The following MSR1 variants were observed in gnomAD, a reference collection of about 807,000 sequenced individuals.
MSR1 encodes the protein macrophage scavenger receptor types I and II.
A neutral mutation model predicts 47.2 loss-of-function variants in MSR1; 53 were observed. That is an observed-to-expected ratio of 1.12 (90% CI 0.90 to 1.41). The LOEUF (loss-of-function observed/expected upper bound fraction) is 1.41. Ranked by LOEUF, MSR1 falls within the 40% of genes most tolerant of loss-of-function variation. The probability of loss-of-function intolerance (pLI) is 0.00; values close to 1 mark genes in which losing one functional copy is unlikely to be tolerated. For missense variants in MSR1, 786 were observed against 546.9 expected (o/e 1.44, Z -4.36); for synonymous variants, 239 against 185.6 (o/e 1.29, Z -2.34).
chr8:16,125,315 C>T (rs1334397220), intron 8 of MSR1, among the ~76,000 whole-genome samples: 1 of 152,148 alleles, frequency 6.6e-6, no homozygotes, highest in African/African-American at 2.4e-5. Flanking sequence ...GAAGGCAAAT[C>T]ACAGTGAGTG....
intron 9 of MSR1, among the ~76,000 whole-genome samples, chr8:16,117,897 T>C (rs1799912443): frequency 6.6e-6 from 1 of 152,110 alleles, no homozygotes; most frequent in Middle Eastern, 3.2e-3. Flanking sequence ...ATAATAATAA[T>C]AGAAATAATG....
intron 3 of MSR1, among the ~76,000 whole-genome samples, chr8:16,171,147 C>T (rs759854930): frequency 6.6e-6 from 1 of 150,456 alleles, no homozygotes; most frequent in East Asian, 2.0e-4. Context: ...TTGCTTGAGC[C>T]CGGGAGGCGG....
intron 8 of MSR1, among the ~76,000 whole-genome samples, chr8:16,126,707 A>T (rs1247889840): frequency 1.3e-5 from 2 of 152,154 alleles, no homozygotes; most frequent in Admixed American, 1.3e-4. Context: ...TATTTGGGAC[A>T]GAGTCAAGAG....
intron 1 of MSR1, among the ~76,000 whole-genome samples, chr8:16,184,998 G>C (rs406652): frequency 0.14 from 20,840 of 152,004 alleles, 1,834 homozygotes; most frequent in African/African-American, 0.23. Context: ...GGCCAGAAGG[G>C]AGGTGAACAC....
intron 8 of MSR1, among the ~76,000 whole-genome samples, chr8:16,142,244 T>C (rs1360370245): frequency 6.6e-6 from 1 of 152,060 alleles, no homozygotes; most frequent in Non-Finnish European, 1.5e-5. Context: ...GGGAGAAGAA[T>C]CATTTCAACC....
chr8:16,143,646 A>C, intron 7 of MSR1, 35 bp from the exon 8 acceptor site: 1 of 1,546,016 alleles, frequency 6.5e-7, no homozygotes, highest in Non-Finnish European at 8.9e-7. Context: ...GTTTTTAATC[A>C]GGGCAATTCA....
rs188843655 is a variant in MSR1 at position 16,184,735 on chromosome 8, T to C, written c.-4-6743A>G. On this transcript the variant is annotated intron_variant, in intron 1 of 9. Coordinates refer to ENST00000262101, the MANE Select transcript of MSR1 (RefSeq NM_138715.3). ...ATATTGTTTATGAAACATTTTGCTT[T>C]TCTCCCTTTCACTTTGAACTAGAGA... 3.9e-3 allele frequency among the ~76,000 whole-genome samples: 587 copies of C among 152,324 alleles called. 1 individual carries two copies. Among genetic ancestry groups the C allele is most frequent in the Non-Finnish European group, 6.6e-3 (449 of 68,026 alleles).
intron 9 of MSR1, among the ~76,000 whole-genome samples, chr8:16,119,369 G>C (rs913394509): frequency 6.6e-6 from 1 of 151,958 alleles, no homozygotes; most frequent in African/African-American, 2.4e-5. Flanking sequence ...GGGATTACCG[G>C]CGTGCACCAC....
rs1221765273 is a variant in MSR1 at position 16,174,872 on chromosome 8, T to C, written c.217+315A>G. ...ATACTTTTAAAATTTGTCACCCACA[T>C]TAGAAGGAGAGGACTCTAGAGGATA... On this transcript the variant is annotated intron_variant, in intron 3 of 9. Coordinates refer to ENST00000262101, the MANE Select transcript of MSR1 (RefSeq NM_138715.3). Among the ~76,000 whole-genome samples the C allele has an allele frequency of 2.0e-5, 3 of 152,142 alleles. No individual in the cohort carries two copies. In the East Asian group the frequency reaches 5.8e-4, roughly 29 times the overall value.
At chr8:16,158,930 ATTTTTTT>A (rs34495946) in intron 5 of MSR1, among the ~76,000 whole-genome samples, 2 of 107,804 alleles carry the variant, frequency 1.9e-5, no homozygotes, top group African/African-American at 3.5e-5. Flanking sequence ...CCTTTGGTTA[ATTTTTTT>A]TTTTTTTTTT....
chr8:16,179,753 TG>T (rs1180034969), intron 1 of MSR1, among the ~76,000 whole-genome samples: 1 of 145,182 alleles, frequency 6.9e-6, no homozygotes, highest in East Asian at 2.2e-4. Flanking sequence ...TGGTGGCACC[TG>T]TAATCCCAGC....
At chr8:16,179,212 GA>G (rs1801751526) in intron 1 of MSR1, among the ~76,000 whole-genome samples, 1 of 152,096 alleles carries the variant, frequency 6.6e-6, no homozygotes, top group Non-Finnish European at 1.5e-5. Context: ...TAAAAGGAAG[GA>G]AATAAAGAAA....
intron 7 of MSR1, 88 bp downstream of exon 7, chr8:16,150,143 T>TG (rs1365983615): frequency 4.8e-5 from 1 of 21,030 alleles, no homozygotes; most frequent in African/African-American, 1.5e-4. Flanking sequence ...TGTGTGTGTA[T>TG]ATATATATAT....
intron 4 of MSR1, 134 bp downstream of exon 4, chr8:16,168,324 G>C (rs1801375738): frequency 2.4e-6 from 2 of 834,946 alleles, no homozygotes; most frequent in African/African-American, 3.4e-5. Flanking sequence ...ATCTGGATAA[G>C]TTAGCCATAG....
chr8:16,120,423 C>T lies in MSR1; in HGVS notation c.1217G>A (p.Gly406Glu). 1 of 1,613,720 alleles carries T rather than the reference C, an allele frequency of 6.2e-7. No individual in the cohort carries two copies. The highest frequency in any genetic ancestry group is 1.3e-5 in the African/African-American group (1 of 74,952). ...VQAVHKAAHF[G>E]QGTGPIWLNE... ...CAAGATTTTCTTTAAATTACCTTGT[C>T]CAAAGTGAGCTGCCTTGTGCACGGC... Residue 406 changes from glycine to glutamate, a missense_variant, in exon 9 of 10, where the codon GGA (glycine) becomes GAA (glutamate). Transcript: ENST00000262101.
At position 16,149,708 on chromosome 8, in the gene MSR1, T is replaced by C. The variant is rs559311697; in HGVS notation, c.979+523A>G. Among the ~76,000 whole-genome samples the C allele has an allele frequency of 3.9e-5, 6 of 152,280 alleles. 1 individual carries two copies. The South Asian group carries it at 1.0e-3, about 26-fold the overall frequency. Reference sequence around the variant, plus strand: ...AGCAACCTTGATTCTTAAGCACTAGTAGATAATGGCAGACAATTTATTTTG... The same window carrying C: ...AGCAACCTTGATTCTTAAGCACTAGCAGATAATGGCAGACAATTTATTTTG... On this transcript the variant is annotated intron_variant, in intron 7 of 9. Coordinates refer to ENST00000262101, the MANE Select transcript of MSR1 (RefSeq NM_138715.3).
At chr8:16,123,590 G>C (rs1800059723) in intron 8 of MSR1, among the ~76,000 whole-genome samples, 1 of 150,004 alleles carries the variant, frequency 6.7e-6, no homozygotes, top group Non-Finnish European at 1.5e-5. Flanking sequence ...GTATATGTGT[G>C]TGTGTGTGTG....
intron 8 of MSR1, chr8:16,140,455 A>G: frequency 1.0e-6 from 1 of 986,606 alleles, no homozygotes; most frequent in Non-Finnish European, 1.2e-6. Context: ...CTTAAAATTT[A>G]CACCCTAGTT....
At chr8:16,181,800 TAAAAAAA>T (rs200928394) in intron 1 of MSR1, among the ~76,000 whole-genome samples, 1 of 145,222 alleles carries the variant, frequency 6.9e-6, no homozygotes, top group East Asian at 2.0e-4. Flanking sequence ...AAGTATAATT[TAAAAAAA>T]AAAAAGAAAA....
Sources: allele counts gnomAD v4.1 joint callset (sites outside exome capture counted in the v4.1 genomes callset), GRCh38; gene constraint gnomAD v4.1.1; transcripts MANE v1.5; gene names NCBI Gene and HGNC (gene_info 2026-07-23, HGNC 2026-07-21).